Variants in HCN1 observed in about 807,000 individuals in gnomAD.
HCN1 encodes the protein potassium/sodium hyperpolarization-activated cyclic nucleotide-gated channel 1.
Under a neutral mutation model 78.9 loss-of-function variants are expected in HCN1, and 13 were observed. That is an observed-to-expected ratio of 0.16 (90% CI 0.11 to 0.26). The LOEUF is 0.26. Among genes scored for constraint, HCN1 ranks in the 10% least tolerant of loss-of-function variants. The pLI, the probability that HCN1 is intolerant of heterozygous loss-of-function variation, is 1.00. For synonymous variants in HCN1, 552 were observed against 455.5 expected, an observed-to-expected ratio of 1.21 and a Z score of -2.70; for missense variants, 810 against 1,154.3, an observed-to-expected ratio of 0.70 and a Z score of 4.32.
chr5:45,574,920 G>T lies in HCN1; in HGVS notation c.849+70265C>A, dbSNP rs1423075457. 2.0e-5 allele frequency: 3 copies of T among 152,252 alleles called. No individual in the cohort carries two copies. The East Asian group carries it at 5.8e-4, about 29-fold the overall frequency. The allele number at this position is 152,252 out of a possible 1,614,324, so 9.4% of individuals were successfully genotyped here. On this transcript the variant is annotated intron_variant, in intron 2 of 7. Transcript: ENST00000303230. ...CCGTTCAATTCAGTGAAGGCTGAGA[G>T]AAATGAGGAAGCTACAGAAGAAAAG...
intron 5 of HCN1, among the ~76,000 whole-genome samples, chr5:45,315,456 A>G (rs1454337238): frequency 6.6e-6 from 1 of 152,214 alleles, no homozygotes. Flanking sequence ...CCCACAAGAG[A>G]AAGCAGGAAA....
intron 6 of HCN1, among the ~76,000 whole-genome samples, chr5:45,295,895 G>A (rs1313735399): frequency 6.6e-6 from 1 of 151,998 alleles, no homozygotes; most frequent in East Asian, 1.9e-4. Flanking sequence ...GGCAGGGATT[G>A]TATAATATGT....
intron 2 of HCN1, among the ~76,000 whole-genome samples, chr5:45,555,979 T>C (rs894965906): frequency 4.6e-5 from 7 of 151,968 alleles, no homozygotes; most frequent in African/African-American, 1.4e-4. Flanking sequence ...CTTCAATAAA[T>C]GGTGCTGGGA....
chr5:45,398,430 C>T (rs1009967152), intron 3 of HCN1, among the ~76,000 whole-genome samples: 4 of 152,036 alleles, frequency 2.6e-5, no homozygotes, highest in Non-Finnish European at 5.9e-5. Flanking sequence ...TAAGTGTACT[C>T]ATTTGTGTGC....
chr5:45,321,554 GAA>G (rs200482010), intron 5 of HCN1, among the ~76,000 whole-genome samples: 1 of 150,974 alleles, frequency 6.6e-6, no homozygotes, highest in Non-Finnish European at 1.5e-5. Flanking sequence ...ATTTCAAAAT[GAA>G]AAAAAAGAGT....
At chr5:45,324,641 C>T (rs193202264) in intron 5 of HCN1, among the ~76,000 whole-genome samples, 1 of 151,802 alleles carries the variant, frequency 6.6e-6, no homozygotes, top group African/African-American at 2.4e-5. Flanking sequence ...TGAAATTCCA[C>T]AGACTAATAA....
intron 5 of HCN1, among the ~76,000 whole-genome samples, chr5:45,316,198 C>A (rs1040896088): frequency 6.6e-6 from 1 of 152,150 alleles, no homozygotes; most frequent in African/African-American, 2.4e-5. Flanking sequence ...AGCAGCACAT[C>A]TAAAAGGTTA....
chr5:45,598,501 G>A (rs1015437328), intron 2 of HCN1, among the ~76,000 whole-genome samples: 5 of 152,078 alleles, frequency 3.3e-5, no homozygotes, highest in African/African-American at 9.7e-5. Flanking sequence ...CAGGACATAC[G>A]CATGGGCAAA....
chr5:45,542,447 T>G (rs966463272), intron 2 of HCN1, among the ~76,000 whole-genome samples: 1 of 152,084 alleles, frequency 6.6e-6, no homozygotes, highest in Non-Finnish European at 1.5e-5. Flanking sequence ...CTTACATATC[T>G]GTTAACATAG....
intron 5 of HCN1, among the ~76,000 whole-genome samples, chr5:45,320,859 C>A (rs1232352349): frequency 6.6e-6 from 1 of 151,798 alleles, no homozygotes; most frequent in Non-Finnish European, 1.5e-5. Flanking sequence ...ATAGCATGTA[C>A]ATTTCTATTC....
Position 45,414,171 on chromosome 5 carries a change from A to G in HCN1, c.1012-17461T>C, listed in dbSNP as rs181840843. On this transcript the variant is annotated intron_variant, in intron 3 of 7. Transcript: ENST00000303230. ...CAGGGACTCTGAGCTACCACTCAAT[A>G]GACTAAGCAGGAGAAAATCTTACAT... 2.7e-3 allele frequency among the ~76,000 whole-genome samples: 409 copies of G among 152,142 alleles called. 2 individuals carry two copies. Among genetic ancestry groups the G allele is most frequent in the African/African-American group, 9.1e-3 (378 of 41,558 alleles).
intron 2 of HCN1, among the ~76,000 whole-genome samples, chr5:45,490,205 T>G (rs1408854156): frequency 6.6e-6 from 1 of 152,146 alleles, no homozygotes; most frequent in African/African-American, 2.4e-5. Context: ...TATAACTAGG[T>G]CATAGAATGC....
chr5:45,505,897 G>C (rs2111744933), intron 2 of HCN1, among the ~76,000 whole-genome samples: 1 of 152,056 alleles, frequency 6.6e-6, no homozygotes, highest in South Asian at 2.1e-4. Flanking sequence ...CAGAAATAAG[G>C]AACATTAGCT....
intron 1 of HCN1, among the ~76,000 whole-genome samples, chr5:45,680,552 G>C (rs372273396): frequency 2.6e-5 from 4 of 152,200 alleles, no homozygotes; most frequent in African/African-American, 7.2e-5. Context: ...ATCCTTCTGA[G>C]ACTATGTCTG....
intron 2 of HCN1, among the ~76,000 whole-genome samples, chr5:45,494,199 T>A (rs1741968482): frequency 6.6e-6 from 1 of 152,090 alleles, no homozygotes; most frequent in African/African-American, 2.4e-5. Context: ...ATGGTTGAAC[T>A]AGTTTACAGT....
intron 1 of HCN1, among the ~76,000 whole-genome samples, chr5:45,658,574 T>C (rs941662296): frequency 7.3e-5 from 11 of 151,686 alleles, no homozygotes; most frequent in African/African-American, 1.9e-4. Context: ...TGCCAGACAG[T>C]GGGCGCAGGC....
chr5:45,290,468 C>G (rs181961165), intron 6 of HCN1, among the ~76,000 whole-genome samples: 58 of 152,060 alleles, frequency 3.8e-4, no homozygotes, highest in Middle Eastern at 6.8e-3. Context: ...TAAGATATTA[C>G]TGAAACACTA....
intron 5 of HCN1, among the ~76,000 whole-genome samples, chr5:45,310,068 C>T (rs1745820246): frequency 6.6e-6 from 1 of 151,778 alleles, no homozygotes; most frequent in Non-Finnish European, 1.5e-5. Context: ...TATAAAAACC[C>T]TGGAAGATAA....
intron 2 of HCN1, among the ~76,000 whole-genome samples, chr5:45,595,391 G>A (rs1265865271): frequency 2.0e-5 from 3 of 152,190 alleles, no homozygotes; most frequent in African/African-American, 7.2e-5. Flanking sequence ...AGGCTGAAGT[G>A]TAGTGGCACA....
Sources: allele counts gnomAD v4.1 joint callset (sites outside exome capture counted in the v4.1 genomes callset), GRCh38; gene constraint gnomAD v4.1.1; transcripts MANE v1.5; gene names NCBI Gene and HGNC (gene_info 2026-07-23, HGNC 2026-07-21).